The following ICA1 variants were observed in gnomAD, a reference collection of about 807,000 sequenced individuals.
ICA1 encodes 69 kDa islet cell autoantigen.
ICA1 carries 40 observed loss-of-function variants against 71.0 expected under a neutral mutation model. The ratio of observed to expected loss-of-function variants is 0.56; its 90% confidence interval spans 0.44 to 0.73. The LOEUF (loss-of-function observed/expected upper bound fraction) is 0.73, where lower values mean the gene tolerates loss of function less well. Among genes scored for constraint, ICA1 ranks in the 30% least tolerant of loss-of-function variants. The probability of loss-of-function intolerance (pLI) is 0.00; values close to 1 mark genes in which losing one functional copy is unlikely to be tolerated. For missense variants in ICA1, 578 were observed against 576.5 expected, an observed-to-expected ratio of 1.00 and a Z score of -0.03; for synonymous variants, 207 against 209.5, an observed-to-expected ratio of 0.99 and a Z score of 0.10.
At chr7:8,211,187 G>A (rs1256558418) in intron 6 of ICA1, among the ~76,000 whole-genome samples, 1 of 152,184 alleles carries the variant, frequency 6.6e-6, no homozygotes, top group East Asian at 1.9e-4. Flanking sequence ...GATTTACTTA[G>A]CATATGTGTT....
chr7:8,213,897 C>G (rs1422650588), intron 6 of ICA1, among the ~76,000 whole-genome samples: 2 of 152,192 alleles, frequency 1.3e-5, no homozygotes, highest in African/African-American at 4.8e-5. Flanking sequence ...AAACCTAACA[C>G]TATTTTAAAT....
At chr7:8,158,871 T>G (rs1802676992) in intron 6 of ICA1, among the ~76,000 whole-genome samples, 1 of 152,248 alleles carries the variant, frequency 6.6e-6, no homozygotes, top group Non-Finnish European at 1.5e-5. Context: ...CTTGTCATCC[T>G]AATTCTATTT....
In ICA1 at chr7:8,144,103, C is replaced by T; in HGVS notation, c.805-131G>A. 1 of 624,982 alleles carries T rather than the reference C, an allele frequency of 1.6e-6. No individual in the cohort carries two copies. Among genetic ancestry groups the T allele is most frequent in the Admixed American group, 2.9e-5 (1 of 34,652 alleles). The allele number at this position is 624,982 out of a possible 1,614,324, so 38.7% of individuals were successfully genotyped here. A position where few individuals can be genotyped will look rare whatever the true frequency, so the allele number is the denominator to read the frequency against. On this transcript the variant is annotated intron_variant, in intron 8 of 13. Coordinates refer to ENST00000402384, the MANE Select transcript of ICA1 (RefSeq NM_001136020.3). This position sits in a 1 kb window ranked among gnomAD's most constrained non-coding sequence, Gnocchi z 4.5. The stretch of plus-strand genomic sequence containing the variant: ...GTCCCAGCAACCAAACTTTGAATTA[C>T]AGGTATTGGGAGGTGACCTTGAACC...
At chr7:8,248,846 G>C (rs6463787) in intron 1 of ICA1, among the ~76,000 whole-genome samples, 71,882 of 152,008 alleles carry the variant, frequency 0.47, 19,729 homozygotes, top group African/African-American at 0.77. Flanking sequence ...CTAAACACCA[G>C]CTTCATAGCA....
chr7:8,247,404 G>C (rs768931009), intron 1 of ICA1, among the ~76,000 whole-genome samples: 39 of 152,250 alleles, frequency 2.6e-4, no homozygotes, highest in South Asian at 1.9e-3. Flanking sequence ...AGGCTGCAGA[G>C]AGCCATGATG....
intron 6 of ICA1, among the ~76,000 whole-genome samples, chr7:8,183,371 T>C (rs769867312): frequency 6.6e-6 from 1 of 152,222 alleles, no homozygotes; most frequent in Non-Finnish European, 1.5e-5. Flanking sequence ...TCGCAAAGCC[T>C]GAGCAATGCA....
Position 8,235,893 on chromosome 7 carries a change from G to C in ICA1, c.17+17C>G. 1 of 1,612,120 alleles carries C rather than the reference G, an allele frequency of 6.2e-7. No homozygotes were observed. The highest frequency in any genetic ancestry group is 2.2e-5 in the East Asian group (1 of 44,772). On this transcript the variant is annotated intron_variant, in intron 2 of 13. Transcript: ENST00000402384. The stretch of plus-strand genomic sequence containing the variant: ...CTTTCTACTTTCCCAATTCAGAAAA[G>C]ATGACAAATTACTTACCATTTGTGT...
chr7:8,190,646 A>G (rs1245792562), intron 6 of ICA1, among the ~76,000 whole-genome samples: 1 of 152,230 alleles, frequency 6.6e-6, no homozygotes, highest in East Asian at 1.9e-4. Context: ...GGTTCAAATC[A>G]ACTTAACCTG....
Position 8,113,203 on chromosome 7 carries a change from TTC to T in ICA1, c.*718_*719del, listed in dbSNP as rs925756994. 1.0e-4 allele frequency: 13 copies of T among 130,608 alleles called. No homozygotes were observed. Among genetic ancestry groups the T allele is most frequent in the East Asian group, 2.3e-4 (1 of 4,316 alleles). 8.1% of individuals were successfully genotyped at this position (130,608 alleles called of 1,614,324 possible). A position where few individuals can be genotyped will look rare whatever the true frequency, so the allele number is the denominator to read the frequency against. On this transcript the variant is annotated 3_prime_UTR_variant, in exon 14 of 14. Coordinates refer to ENST00000402384, the MANE Select transcript of ICA1 (RefSeq NM_001136020.3). The surrounding 1 kb of genome is among the most constrained non-coding windows in gnomAD (Gnocchi z 4.2). ...CTTGACTTTGCATGTCAAATATCTT[TTC>T]TGTTTAATTAAAAAAAAAAAAAAAA...
At chr7:8,155,969 G>A (rs564795858) in intron 8 of ICA1, among the ~76,000 whole-genome samples, 2 of 152,328 alleles carry the variant, frequency 1.3e-5, no homozygotes, top group African/African-American at 2.4e-5. Flanking sequence ...ATAGTTGACA[G>A]AGCAAAACAG....
chr7:8,163,733 G>A (rs1302964454), intron 6 of ICA1, among the ~76,000 whole-genome samples: 2 of 152,164 alleles, frequency 1.3e-5, no homozygotes, highest in Admixed American at 1.3e-4. Flanking sequence ...AGGGTTGTGG[G>A]GTGGAGGACA....
intron 1 of ICA1, among the ~76,000 whole-genome samples, chr7:8,239,689 C>T (rs1803093880): frequency 6.6e-6 from 1 of 152,296 alleles, no homozygotes; most frequent in East Asian, 1.9e-4. Context: ...GGGACACTGC[C>T]GCCCAAATAC....
intron 1 of ICA1, among the ~76,000 whole-genome samples, chr7:8,257,850 A>G (rs1341649717): frequency 6.6e-6 from 1 of 152,192 alleles, no homozygotes; most frequent in African/African-American, 2.4e-5. Flanking sequence ...GTCCAAGGCC[A>G]CTCAGCTAGT....
Position 8,113,737 on chromosome 7 carries a change from C to T in ICA1, c.*186G>A. Reference sequence around the variant, plus strand: ...TATTATTTAGATCCACATAGAGATACACGAAAACCCTTTATACCAAATAAG... The same window carrying T: ...TATTATTTAGATCCACATAGAGATATACGAAAACCCTTTATACCAAATAAG... On this transcript the variant is annotated 3_prime_UTR_variant, in exon 14 of 14. Coordinates refer to ENST00000402384, the MANE Select transcript of ICA1 (RefSeq NM_001136020.3). The surrounding 1 kb of genome is among the most constrained non-coding windows in gnomAD (Gnocchi z 4.2). 1 of 599,016 alleles carries T rather than the reference C, an allele frequency of 1.7e-6. No homozygotes were observed. The highest frequency in any genetic ancestry group is 2.1e-5 in the South Asian group (1 of 48,298). The allele number at this position is 599,016 out of a possible 1,614,324, so 37.1% of individuals were successfully genotyped here.
intron 8 of ICA1, among the ~76,000 whole-genome samples, chr7:8,146,296 C>G (rs1169688350): frequency 6.6e-6 from 1 of 152,108 alleles, no homozygotes; most frequent in Non-Finnish European, 1.5e-5. Context: ...CAAGAAGGAG[C>G]CAGCCATGTG....
At chr7:8,217,550 C>T (rs898208638) in intron 6 of ICA1, among the ~76,000 whole-genome samples, 2 of 152,138 alleles carry the variant, frequency 1.3e-5, no homozygotes, top group Admixed American at 1.3e-4. Context: ...TTGGCTGATT[C>T]TTTTTTCTTT....
At chr7:8,183,561 G>A (rs1782929949) in intron 6 of ICA1, among the ~76,000 whole-genome samples, 1 of 152,178 alleles carries the variant, frequency 6.6e-6, no homozygotes, top group Non-Finnish European at 1.5e-5. Context: ...CCAATCTGGG[G>A]CTAGAAGACT....
intron 6 of ICA1, among the ~76,000 whole-genome samples, chr7:8,213,287 C>T (rs547370581): frequency 6.6e-6 from 1 of 152,308 alleles, no homozygotes; most frequent in South Asian, 2.1e-4. Context: ...AAGCCCCCTA[C>T]CCTACCTCCT....
chr7:8,113,800 C>A lies in ICA1; in HGVS notation c.*123G>T, dbSNP rs750022033. ...TACCAATATAAACAGGGCCGTTGAC[C>A]CTTTCATTTTATTAAAATGGCACAT... On this transcript the variant is annotated 3_prime_UTR_variant, in exon 14 of 14. Transcript: ENST00000402384. The surrounding 1 kb of genome is among the most constrained non-coding windows in gnomAD (Gnocchi z 4.2). The A allele has an allele frequency of 2.8e-5, 29 of 1,049,950 alleles. No individual in the cohort carries two copies. Among genetic ancestry groups the A allele is most frequent in the Non-Finnish European group, 4.0e-5 (28 of 696,136 alleles). 65.0% of individuals were successfully genotyped at this position (1,049,950 alleles called of 1,614,324 possible).
Sources: allele counts gnomAD v4.1 joint callset (sites outside exome capture counted in the v4.1 genomes callset), GRCh38; gene constraint gnomAD v4.1.1; non-coding constraint Gnocchi (gnomAD v3.1); transcripts MANE v1.5; gene names NCBI Gene and HGNC (gene_info 2026-07-23, HGNC 2026-07-21).